PDE4D: variants seen among roughly 807,000 people sequenced by gnomAD.
The protein encoded by PDE4D is 3',5'-cyclic-AMP phosphodiesterase 4D.
Under a neutral mutation model 87.4 loss-of-function variants are expected in PDE4D, and 24 were observed. That is an observed-to-expected ratio of 0.27 (90% CI 0.20 to 0.39). The LOEUF (loss-of-function observed/expected upper bound fraction) is 0.39. PDE4D is among the 10% of genes least tolerant of loss of function. The pLI is 1.00. For missense variants in PDE4D, 714 were observed against 1,041.0 expected (o/e 0.69, Z 4.32); for synonymous variants, 384 against 383.2 (o/e 1.00, Z -0.02).
chr5:60,125,409 C>A (rs1358863627), intron 2 of PDE4D, among the ~76,000 whole-genome samples: 2 of 152,072 alleles, frequency 1.3e-5, no homozygotes, highest in South Asian at 4.1e-4. Flanking sequence ...CACCCTAGTC[C>A]AAGCCATCAT....
chr5:59,917,385 C>G (rs1250877655), intron 3 of PDE4D, among the ~76,000 whole-genome samples: 1 of 152,068 alleles, frequency 6.6e-6, no homozygotes. Flanking sequence ...CAACACAAAG[C>G]TATAACTGCT....
In PDE4D at chr5:60,512,422, C is replaced by A. The variant is rs567537170; in HGVS notation, n.70+9629G>T. The stretch of plus-strand genomic sequence containing the variant: ...ATTTTGAATCATCAAATACTTGATT[C>A]CTTTGATCATCTGCATTCAATCTGC... On this transcript the variant is annotated intron_variant and non_coding_transcript_variant, in intron 1 of 2. Transcript: ENST00000506510. Among the ~76,000 whole-genome samples, 3 of 152,140 alleles carry A rather than the reference C, an allele frequency of 2.0e-5. No individual in the cohort carries two copies. The South Asian group carries it at 6.2e-4, about 32-fold the overall frequency.
chr5:59,081,269 T>A (rs1291307716), intron 5 of PDE4D, among the ~76,000 whole-genome samples: 2 of 152,262 alleles, frequency 1.3e-5, no homozygotes, highest in Admixed American at 6.5e-5. Context: ...TACAAAACTA[T>A]TAAGAGCAGT....
intron 5 of PDE4D, among the ~76,000 whole-genome samples, chr5:59,059,293 A>G (rs941246928): frequency 3.3e-5 from 5 of 152,150 alleles, no homozygotes; most frequent in African/African-American, 1.2e-4. Context: ...TGTCAGCAAA[A>G]TGGTAATATT....
chr5:60,276,014 T>G (rs1751331328), intron 1 of PDE4D, among the ~76,000 whole-genome samples: 1 of 152,214 alleles, frequency 6.6e-6, no homozygotes, highest in Non-Finnish European at 1.5e-5. Flanking sequence ...ATGATTTAAT[T>G]GTTTTGAAAT....
At chr5:59,175,872 C>T (rs895013446) in intron 5 of PDE4D, among the ~76,000 whole-genome samples, 1 of 149,848 alleles carries the variant, frequency 6.7e-6, no homozygotes, top group South Asian at 2.1e-4. Flanking sequence ...TCAAGCAGTC[C>T]TCCCACCTTG....
chr5:59,044,338 A>G (rs1760255610), intron 5 of PDE4D, among the ~76,000 whole-genome samples: 1 of 152,216 alleles, frequency 6.6e-6, no homozygotes, highest in Non-Finnish European at 1.5e-5. Context: ...ATTTTTTAAA[A>G]ATAAAAGAAC....
At chr5:59,016,987 A>T (rs1754133244) in intron 6 of PDE4D, among the ~76,000 whole-genome samples, 1 of 152,184 alleles carries the variant, frequency 6.6e-6, no homozygotes, top group Admixed American at 6.5e-5. Context: ...ATTAAGTAGT[A>T]AGGAAAAGCT....
At chr5:60,353,826 G>A (rs1014395851) in intron 1 of PDE4D, among the ~76,000 whole-genome samples, 1 of 151,920 alleles carries the variant, frequency 6.6e-6, no homozygotes, top group Non-Finnish European at 1.5e-5. Context: ...TTGACCAGGC[G>A]GCCAATAACA....
intron 3 of PDE4D, among the ~76,000 whole-genome samples, chr5:59,934,659 A>T (rs1227970974): frequency 1.3e-5 from 2 of 152,244 alleles, no homozygotes; most frequent in East Asian, 3.9e-4. Flanking sequence ...TATGCATTAT[A>T]GCAGTGCAGA....
At chr5:59,093,104 A>G (rs1341860301) in intron 5 of PDE4D, among the ~76,000 whole-genome samples, 1 of 152,240 alleles carries the variant, frequency 6.6e-6, no homozygotes, top group African/African-American at 2.4e-5. Context: ...GAAATCAGAA[A>G]ATAGCTGAAG....
chr5:59,226,588 C>T (rs918816740), intron 1 of PDE4D, among the ~76,000 whole-genome samples: 4 of 152,064 alleles, frequency 2.6e-5, no homozygotes, highest in Admixed American at 6.5e-5. Context: ...GTGCTAACAG[C>T]TAATAATAAT....
At chr5:60,132,306 A>C (rs1318097887) in intron 2 of PDE4D, among the ~76,000 whole-genome samples, 1 of 152,160 alleles carries the variant, frequency 6.6e-6, no homozygotes, top group Non-Finnish European at 1.5e-5. Flanking sequence ...TGTTAGTGTA[A>C]TCCCTGTATA....
chr5:59,180,209 A>G (rs1301415617), intron 5 of PDE4D, among the ~76,000 whole-genome samples: 1 of 152,142 alleles, frequency 6.6e-6, no homozygotes, highest in Non-Finnish European at 1.5e-5. Flanking sequence ...TACTCCTTTT[A>G]TTTATGCCTT....
At chr5:59,667,122 G>A (rs114455525) in intron 1 of PDE4D, among the ~76,000 whole-genome samples, 316 of 152,238 alleles carry the variant, frequency 2.1e-3, no homozygotes, top group Non-Finnish European at 3.5e-3. Flanking sequence ...TATTATTAAT[G>A]TCTAACTCAA....
intron 1 of PDE4D, among the ~76,000 whole-genome samples, chr5:59,265,441 C>T (rs1477921047): frequency 6.6e-6 from 1 of 151,962 alleles, no homozygotes. Context: ...ATGCTTAATT[C>T]TGACTGTGTT....
At chr5:60,264,886 G>A (rs886822276) in intron 1 of PDE4D, among the ~76,000 whole-genome samples, 24 of 152,214 alleles carry the variant, frequency 1.6e-4, no homozygotes, top group African/African-American at 5.8e-4. Flanking sequence ...AAGAACCCTT[G>A]GAATTCACTC....
At chr5:59,121,145 T>C (rs993565802) in intron 5 of PDE4D, among the ~76,000 whole-genome samples, 1 of 152,154 alleles carries the variant, frequency 6.6e-6, no homozygotes, top group Non-Finnish European at 1.5e-5. Context: ...TAGGCAAAGA[T>C]TTTATGGCTA....
chr5:59,465,107 T>C (rs1258243899), intron 1 of PDE4D, among the ~76,000 whole-genome samples: 1 of 152,164 alleles, frequency 6.6e-6, no homozygotes, highest in Non-Finnish European at 1.5e-5. Context: ...TTGCTCCAGT[T>C]GGCCTCTGCT....
Sources: allele counts gnomAD v4.1 joint callset (sites outside exome capture counted in the v4.1 genomes callset), GRCh38; gene constraint gnomAD v4.1.1; transcripts MANE v1.5; gene names NCBI Gene and HGNC (gene_info 2026-07-23, HGNC 2026-07-21).